FGL1: variants seen among roughly 807,000 people sequenced by gnomAD.
The protein encoded by FGL1 is fibrinogen-like protein 1.
FGL1 carries 59 observed loss-of-function variants against 43.7 expected under a neutral mutation model. The observed-to-expected ratio is 1.35, with a 90% CI of 1.10 to 1.68. FGL1 has a LOEUF of 1.68. Ranked by LOEUF, FGL1 falls within the 40% of genes most tolerant of loss-of-function variation. The pLI is 0.00. For synonymous variants in FGL1, 192 were observed against 126.5 expected, an observed-to-expected ratio of 1.52 and a Z score of -3.48; for missense variants, 596 against 373.0, an observed-to-expected ratio of 1.60 and a Z score of -4.92.
chr8:17,882,930 T>C (rs1219429413), intron 2 of FGL1, among the ~76,000 whole-genome samples: 1 of 103,392 alleles, frequency 9.7e-6, no homozygotes, highest in Non-Finnish European at 1.6e-5. Context: ...ATATCTCATA[T>C]ATAATATATT....
At position 17,874,328 on chromosome 8, in the gene FGL1, C is replaced by G. The variant is rs367543613; in HGVS notation, c.404+34G>C. On this transcript the variant is annotated intron_variant, in intron 4 of 7. Coordinates refer to ENST00000427924, the MANE Select transcript of FGL1 (RefSeq NM_004467.4). ...TGACTTATAAATCTCACATTTGCTG[C>G]TACATATAAAGTCTTACATCATAAT... The G allele has an allele frequency of 3.1e-6, 5 of 1,588,032 alleles. No homozygotes were observed. In the African/African-American group the frequency reaches 6.8e-5, roughly 22 times the overall value.
At position 17,874,451 on chromosome 8, in the gene FGL1, T is replaced by G; in HGVS notation, c.315A>C (p.Pro105=). 1 of 1,614,128 alleles carries G rather than the reference T, an allele frequency of 6.2e-7. No individual in the cohort carries two copies. The highest frequency in any genetic ancestry group is 8.5e-7 in the Non-Finnish European group (1 of 1,179,982). Residue 105 remains proline (P), a synonymous_variant, in exon 4 of 8, where the codon CCA becomes CCC. Transcript: ENST00000427924. ...TGTCACAATAAACAGAAAATTCTGC[T>G]GGGCTCTGGAGAGGTTTGATTTTGT... ...GFYKIKPLQS[P]AEFSVYCDMS...
intron 5 of FGL1, among the ~76,000 whole-genome samples, chr8:17,872,504 T>C (rs7815328): frequency 0.72 from 109,081 of 151,868 alleles, 39,981 homozygotes; most frequent in Non-Finnish European, 0.79. Context: ...GGTTTCACCA[T>C]GTTGGCCAGG....
At chr8:17,884,828 T>C (rs1275994972) in intron 2 of FGL1, among the ~76,000 whole-genome samples, 2 of 152,186 alleles carry the variant, frequency 1.3e-5, no homozygotes, top group Admixed American at 6.5e-5. Flanking sequence ...GAATGTTTTG[T>C]CTTTTTTATT....
At chr8:17,876,292 C>T (rs1034373158) in intron 3 of FGL1, among the ~76,000 whole-genome samples, 1 of 151,956 alleles carries the variant, frequency 6.6e-6, no homozygotes, top group African/African-American at 2.4e-5. Context: ...TTACAACTCT[C>T]TTGTTTTGTT....
At chr8:17,876,781 T>C (rs2053463522) in intron 3 of FGL1, among the ~76,000 whole-genome samples, 2 of 152,200 alleles carry the variant, frequency 1.3e-5, no homozygotes, top group Admixed American at 6.5e-5. Context: ...AGTGATTAGC[T>C]ATAACATTTG....
Position 17,882,963 on chromosome 8 carries a change from TATATA to T in FGL1, c.64-789_64-785del, listed in dbSNP as rs1160328386. 4.0e-5 allele frequency among the ~76,000 whole-genome samples: 4 copies of T among 101,174 alleles called. No individual in the cohort carries two copies. The East Asian group carries it at 1.1e-3, about 28-fold the overall frequency. The allele number at this position is 101,174 out of a possible 152,430, so 66.4% of individuals were successfully genotyped here. The stretch of plus-strand genomic sequence containing the variant: ...ATTAAATAATATATAATATATATCA[TATATA>T]ATATATTAAATATATAATATATATC... On this transcript the variant is annotated intron_variant, in intron 2 of 7. Coordinates refer to ENST00000427924, the MANE Select transcript of FGL1 (RefSeq NM_004467.4).
At chr8:17,879,770 A>G (rs965383307) in intron 3 of FGL1, among the ~76,000 whole-genome samples, 3 of 152,064 alleles carry the variant, frequency 2.0e-5, no homozygotes, top group Non-Finnish European at 4.4e-5. Flanking sequence ...ATTTCGTTAT[A>G]GCGGTATGAG....
At position 17,868,938 on chromosome 8, in the gene FGL1, T is replaced by C; in HGVS notation, c.569A>G (p.Asn190Ser). ...TACCTTTTCATCTCCAACTTTGAAA[T>C]TCTTATATTGTGCATAACGGCTATT... is the stretch of plus-strand genomic sequence containing the variant. ...EKNSRYAQYK[N>S]FKVGDEKNFY... The change falls in exon 6 of 8, where the codon AAT becomes AGT. Residue 190 changes from asparagine (N) to serine (S), a missense_variant. Asn to Ser is a conservative substitution (Grantham distance 46). Coordinates refer to ENST00000427924, the MANE Select transcript of FGL1 (RefSeq NM_004467.4). The C allele has an allele frequency of 6.2e-7, 1 of 1,601,236 alleles. No homozygotes were observed. The highest frequency in any genetic ancestry group is 8.5e-7 in the Non-Finnish European group (1 of 1,175,908).
chr8:17,889,169 A>G (rs2053670417), intron 1 of FGL1, among the ~76,000 whole-genome samples: 1 of 152,154 alleles, frequency 6.6e-6, no homozygotes, highest in Non-Finnish European at 1.5e-5. Flanking sequence ...GACAAGGGCT[A>G]TTTCCCCAAG....
At chr8:17,866,747 C>G (rs2053275660) in intron 7 of FGL1, among the ~76,000 whole-genome samples, 1 of 152,194 alleles carries the variant, frequency 6.6e-6, no homozygotes, top group African/African-American at 2.4e-5. Context: ...GGATAAAGTA[C>G]ATGGTTTTGA....
rs1489006288 is a variant in FGL1, at chr8:17,895,459, G to A, written c.-30C>T. On this transcript the variant is annotated 5_prime_UTR_variant, in exon 1 of 8. Transcript: ENST00000427924. Reference sequence around the variant, plus strand: ...TTAAATAACTTGCCTAAAGTCAGAAGTGAGTCAGAGACCCAGCTCAGGTTC... The same window carrying A: ...TTAAATAACTTGCCTAAAGTCAGAAATGAGTCAGAGACCCAGCTCAGGTTC... 9.4e-6 allele frequency: 12 copies of A among 1,282,070 alleles called. No homozygotes were observed. The highest frequency in any genetic ancestry group is 5.0e-5 in the South Asian group (4 of 80,614). 79.4% of individuals were successfully genotyped at this position (1,282,070 alleles called of 1,614,324 possible).
intron 1 of FGL1, among the ~76,000 whole-genome samples, chr8:17,890,803 G>A (rs2053693329): frequency 6.6e-6 from 1 of 152,108 alleles, no homozygotes; most frequent in Admixed American, 6.6e-5. Flanking sequence ...GAAGAGCCAA[G>A]CAAAAGCCCC....
chr8:17,883,823 C>T (rs1420500220), intron 2 of FGL1, among the ~76,000 whole-genome samples: 1 of 142,116 alleles, frequency 7.0e-6, no homozygotes, highest in African/African-American at 2.6e-5. Context: ...CTTCCTCTTC[C>T]CTTACGTTTC....
At chr8:17,879,814 C>T (rs571733621) in intron 3 of FGL1, among the ~76,000 whole-genome samples, 7 of 152,276 alleles carry the variant, frequency 4.6e-5, no homozygotes, top group East Asian at 1.9e-4. Flanking sequence ...CCTCAGTCTT[C>T]CCATGACTGG....
At chr8:17,888,266 T>G (rs1323698938) in intron 1 of FGL1, among the ~76,000 whole-genome samples, 1 of 152,184 alleles carries the variant, frequency 6.6e-6, no homozygotes, top group Non-Finnish European at 1.5e-5. Context: ...GGAACAGAAG[T>G]CGTGACCAAA....
In FGL1 at chr8:17,874,827, G is replaced by A. The variant is rs114637544; in HGVS notation, c.245-306C>T. ...TACATTTTTTTTAAGAAATGGGGGC[G>A]TGTCACTATATTGCCCAGGCTGGTC... On this transcript the variant is annotated intron_variant, in intron 3 of 7. Coordinates refer to ENST00000427924, the MANE Select transcript of FGL1 (RefSeq NM_004467.4). Among the ~76,000 whole-genome samples, 311 of 151,872 alleles carry A rather than the reference G, an allele frequency of 2.0e-3. 1 individual carries two copies. The highest frequency in any genetic ancestry group is 6.9e-3 in the African/African-American group (284 of 41,370).
intron 7 of FGL1, among the ~76,000 whole-genome samples, chr8:17,865,044 C>T (rs1448158989): frequency 6.6e-6 from 1 of 151,960 alleles, no homozygotes; most frequent in Non-Finnish European, 1.5e-5. Context: ...CCTCAGCCTT[C>T]CAAACTGCTG....
At chr8:17,880,796 G>A (rs1159439375) in intron 3 of FGL1, among the ~76,000 whole-genome samples, 1 of 152,128 alleles carries the variant, frequency 6.6e-6, no homozygotes, top group Non-Finnish European at 1.5e-5. Flanking sequence ...TTTACTTCTG[G>A]AGGAATTCAA....
Sources: allele counts gnomAD v4.1 joint callset (sites outside exome capture counted in the v4.1 genomes callset), GRCh38; gene constraint gnomAD v4.1.1; transcripts MANE v1.5; gene names NCBI Gene and HGNC (gene_info 2026-07-23, HGNC 2026-07-21).